The following VPS37A variants were observed in gnomAD, a reference collection of about 807,000 sequenced individuals.
The protein encoded by VPS37A is VPS37A subunit of ESCRT-I, also known as vacuolar protein sorting-associated protein 37A.
VPS37A carries 30 observed loss-of-function variants against 49.8 expected under a neutral mutation model. The observed-to-expected ratio is 0.60, with a 90% CI of 0.45 to 0.82. The LOEUF is 0.82. VPS37A is among the 40% of genes least tolerant of loss of function. The probability of loss-of-function intolerance (pLI) is 0.00; values close to 1 mark genes in which losing one functional copy is unlikely to be tolerated. For synonymous variants in VPS37A, 195 were observed against 160.6 expected (o/e 1.21, Z -1.62); for missense variants, 593 against 464.4 (o/e 1.28, Z -2.55).
At chr8:17,280,555 C>G (rs1308858308) in intron 9 of VPS37A, 112 bp downstream of exon 9, 3 of 960,436 alleles carry the variant, frequency 3.1e-6, no homozygotes, top group African/African-American at 1.7e-5. Flanking sequence ...GGTATCTGAC[C>G]TTATAAGACA....
intron 4 of VPS37A, among the ~76,000 whole-genome samples, chr8:17,271,633 T>C (rs1433732185): frequency 6.6e-6 from 1 of 152,116 alleles, no homozygotes; most frequent in Non-Finnish European, 1.5e-5. Context: ...TGATTTCTTA[T>C]GAATCCTTTT....
At chr8:17,311,906 T>C in the VPS37A span, 1 of 376,114 alleles carries the variant, frequency 2.7e-6, no homozygotes, top group Non-Finnish European at 4.8e-6. Flanking sequence ...TAAGCATTCG[T>C]CCTATGCAAA....
Position 17,248,221 on chromosome 8 carries a change from A to G in VPS37A, c.125+852A>G, listed in dbSNP as rs886344530. On this transcript the variant is annotated intron_variant, in intron 1 of 11. Transcript: ENST00000324849. ...TATATTTACTTAACAGTTTCACACT[A>G]TTTTAAATAAAGATGACAACATTGT... 2.9e-5 allele frequency: 12 copies of G among 420,334 alleles called. No homozygotes were observed. In the Admixed American group the frequency reaches 3.5e-4, roughly 12 times the overall value. 26.0% of individuals were successfully genotyped at this position (420,334 alleles called of 1,614,324 possible).
downstream of VPS37A, chr8:17,300,263 ATAACT>A: frequency 3.8e-6 from 6 of 1,566,676 alleles, no homozygotes; most frequent in Non-Finnish European, 5.2e-6. Flanking sequence ...AAAATCATAA[ATAACT>A]TATCTTTTTC....
At chr8:17,280,501 T>C (rs1342273786) in intron 9 of VPS37A, 58 bp downstream of exon 9, 3 of 1,451,998 alleles carry the variant, frequency 2.1e-6, no homozygotes, top group South Asian at 2.6e-5. Flanking sequence ...CTTATGTGCA[T>C]GAGTCCTGAT....
At chr8:17,280,986 C>T (rs1471876293) in intron 9 of VPS37A, among the ~76,000 whole-genome samples, 2 of 151,926 alleles carry the variant, frequency 1.3e-5, no homozygotes, top group African/African-American at 4.8e-5. Context: ...ATAACAACCT[C>T]ATAGTTAATA....
intron 4 of VPS37A, 123 bp downstream of exon 4, chr8:17,269,079 A>G (rs1193151351): frequency 1.5e-6 from 1 of 653,626 alleles, no homozygotes. Flanking sequence ...CCACAAATAC[A>G]TCCATACTTT....
intron 1 of VPS37A, among the ~76,000 whole-genome samples, chr8:17,264,508 A>G (rs990807589): frequency 1.3e-5 from 2 of 152,202 alleles, no homozygotes; most frequent in Non-Finnish European, 2.9e-5. Context: ...TGATAACTCC[A>G]TTCCTTAGGA....
intron 5 of VPS37A, 45 bp downstream of exon 5, chr8:17,275,003 A>G (rs757411942): frequency 1.9e-6 from 3 of 1,550,654 alleles, no homozygotes; most frequent in Admixed American, 3.4e-5. Flanking sequence ...TGAAACATTC[A>G]TTCAATCCAC....
chr8:17,262,746 T>C (rs1484788453), intron 1 of VPS37A, among the ~76,000 whole-genome samples: 1 of 152,130 alleles, frequency 6.6e-6, no homozygotes, highest in African/African-American at 2.4e-5. Context: ...GACCATATAC[T>C]ACAACATTAT....
chr8:17,299,740 C>G, downstream of VPS37A: 2 of 1,376,844 alleles, frequency 1.5e-6, no homozygotes, highest in Middle Eastern at 2.3e-4. Context: ...CTTTTCATAG[C>G]TGCATTAAAG....
At chr8:17,303,606 C>A (rs887464153), downstream of VPS37A, among the ~76,000 whole-genome samples, 2 of 111,038 alleles carry the variant, frequency 1.8e-5, no homozygotes, top group East Asian at 5.9e-4. Flanking sequence ...CCCATACATA[C>A]AATCTTTTTT....
chr8:17,248,448 GTAT>G (rs1384547916), intron 1 of VPS37A: 2 of 448,672 alleles, frequency 4.5e-6, no homozygotes, highest in African/African-American at 4.0e-5. Context: ...CTAATATTTT[GTAT>G]TTTTAGTAGA....
chr8:17,247,285 C>A lies in VPS37A; in HGVS notation c.41C>A (p.Ser14Tyr). 6.4e-7 allele frequency: 1 copy of A among 1,566,844 alleles called. No homozygotes were observed. The highest frequency in any genetic ancestry group is 8.7e-7 in the Non-Finnish European group (1 of 1,155,902). Residue 14 changes from serine (S) to tyrosine (Y), a missense_variant, in exon 1 of 12, where the codon TCC (serine) becomes TAC (tyrosine). Coordinates refer to ENST00000324849, the MANE Select transcript of VPS37A (RefSeq NM_152415.3). ...LFPLTKSASS[S>Y]AAGSPGGLTS... The stretch of plus-strand genomic sequence containing the variant: ...CCCCTGACCAAGAGCGCCTCCTCCT[C>A]CGCGGCTGGGTCCCCCGGTGGCCTC...
At chr8:17,307,352 G>T (rs1817520151), downstream of VPS37A, among the ~76,000 whole-genome samples, 1 of 152,202 alleles carries the variant, frequency 6.6e-6, no homozygotes, top group African/African-American at 2.4e-5. Context: ...TCTCACACCA[G>T]TTAGAATGGC....
chr8:17,291,939 G>A (rs927572301), intron 11 of VPS37A, among the ~76,000 whole-genome samples: 11 of 152,154 alleles, frequency 7.2e-5, no homozygotes, highest in African/African-American at 2.4e-4. Flanking sequence ...TGAGAAGAAG[G>A]TATATTCTGT....
At chr8:17,276,999 C>T (rs575039609) in intron 6 of VPS37A, among the ~76,000 whole-genome samples, 1 of 151,918 alleles carries the variant, frequency 6.6e-6, no homozygotes, top group Non-Finnish European at 1.5e-5. Flanking sequence ...TTTTGCCATT[C>T]AGTTTTGGGA....
intron 11 of VPS37A, among the ~76,000 whole-genome samples, chr8:17,287,011 T>C (rs1252357695): frequency 2.0e-5 from 3 of 152,344 alleles, no homozygotes; most frequent in East Asian, 3.9e-4. Flanking sequence ...TAATCTTGCA[T>C]ATATTTCAGA....
downstream of VPS37A, chr8:17,299,667 G>C: frequency 1.5e-6 from 1 of 680,690 alleles, no homozygotes. Flanking sequence ...CCTTATATTT[G>C]ATAAATGAAA....
Sources: allele counts gnomAD v4.1 joint callset (sites outside exome capture counted in the v4.1 genomes callset), GRCh38; gene constraint gnomAD v4.1.1; transcripts MANE v1.5; gene names NCBI Gene and HGNC (gene_info 2026-07-23, HGNC 2026-07-21).